HERC1: variants seen among roughly 807,000 people sequenced by gnomAD.
The protein encoded by HERC1 is HECT and RLD domain containing E3 ubiquitin protein ligase family member 1.
In HERC1, 160 loss-of-function variants were observed where a neutral mutation model predicts 554.3. The ratio of observed to expected loss-of-function variants is 0.29; its 90% confidence interval spans 0.25 to 0.33. The LOEUF is 0.33. Ranked by LOEUF, HERC1 falls within the 10% of genes least tolerant of loss-of-function variation. HERC1 has a pLI of 1.00. For missense variants in HERC1, 4,919 were observed against 5,918.5 expected, an observed-to-expected ratio of 0.83 and a Z score of 5.54; for synonymous variants, 2,175 against 2,131.7, an observed-to-expected ratio of 1.02 and a Z score of -0.56.
intron 1 of HERC1, among the ~76,000 whole-genome samples, chr15:63,832,982 C>G (rs1567175499): frequency 1.3e-5 from 2 of 152,194 alleles, no homozygotes; most frequent in Admixed American, 6.5e-5. Flanking sequence ...ATTTCTTAAA[C>G]TAAGACAAAT....
intron 76 of HERC1, among the ~76,000 whole-genome samples, chr15:63,614,363 A>G (rs147839298): frequency 0.012 from 1,772 of 152,342 alleles, 19 homozygotes; most frequent in Middle Eastern, 0.02. Flanking sequence ...ATGGCACCCA[A>G]GAGTGCCTGG....
intron 1 of HERC1, among the ~76,000 whole-genome samples, chr15:63,778,286 T>A (rs766584224): frequency 6.6e-6 from 1 of 152,180 alleles, no homozygotes; most frequent in African/African-American, 2.4e-5. Context: ...TAAAAATGAT[T>A]TGGAGTGACT....
chr15:63,773,742 C>T (rs567492143), intron 2 of HERC1, among the ~76,000 whole-genome samples: 12 of 151,766 alleles, frequency 7.9e-5, no homozygotes, highest in Non-Finnish European at 1.8e-4. Flanking sequence ...TGGGGTTTCA[C>T]CATGCTGGCC....
chr15:63,823,750 A>G (rs552819465), intron 1 of HERC1, among the ~76,000 whole-genome samples: 1 of 152,334 alleles, frequency 6.6e-6, no homozygotes, highest in East Asian at 1.9e-4. Context: ...GAAAGAAAAA[A>G]AGAAACTATA....
chr15:63,693,502 C>T (rs1474964822), intron 30 of HERC1, among the ~76,000 whole-genome samples: 1 of 152,104 alleles, frequency 6.6e-6, no homozygotes. Context: ...CCTTGGCCTC[C>T]CAAAGTGTTG....
At position 63,725,384 on chromosome 15, in the gene HERC1, C is replaced by A. The variant is rs1162933865; in HGVS notation, c.3476G>T (p.Gly1159Val). The change falls in exon 18 of 78, where the codon GGC becomes GTC. Residue 1159 changes from glycine to valine, a missense_variant. Gly to Val is a moderately radical substitution (Grantham distance 109). Around this residue, in one of 11 missense-constraint regions of HERC1, gnomAD observed 1,121 missense variants for 1,244.0 expected, o/e 0.90. Coordinates refer to ENST00000443617, the MANE Select transcript of HERC1 (RefSeq NM_003922.4). Reference sequence around the variant, plus strand: ...CTGTTCCTCTGGAGACACAGGGGAGCCCTGAAGCATGCCACCAAGACACCG... The same window carrying A: ...CTGTTCCTCTGGAGACACAGGGGAGACCTGAAGCATGCCACCAAGACACCG... ...IGRCLGGMLQ[G>V]SPVSPEEQDT... 6.2e-7 allele frequency: 1 copy of A among 1,613,832 alleles called. No individual in the cohort carries two copies. Among genetic ancestry groups the A allele is most frequent in the Non-Finnish European group, 8.5e-7 (1 of 1,179,824 alleles).
rs71464534 is a variant in HERC1 at position 63,744,164 on chromosome 15, G to GTC, written c.2520+2752_2520+2753dup. Among the ~76,000 whole-genome samples, 442 of 46,172 alleles carry GTC rather than the reference G, an allele frequency of 9.6e-3. 3 individuals are homozygous for GTC. Among genetic ancestry groups the GTC allele is most frequent in the East Asian group, 0.024 (48 of 2,016 alleles). The allele number at this position is 46,172 out of a possible 152,430, so 30.3% of individuals were successfully genotyped here. ...TGTGTGTGTGTGTGTGTGTGTGTGT[G>GTC]TCTCTCTCTCTCTCTCTCTCTCTCT... On this transcript the variant is annotated intron_variant, in intron 12 of 77. Transcript: ENST00000443617.
intron 19 of HERC1, among the ~76,000 whole-genome samples, chr15:63,720,436 T>C (rs2073770426): frequency 6.6e-6 from 1 of 152,136 alleles, no homozygotes. Flanking sequence ...GGGCTACTTA[T>C]AAACAAAACA....
chr15:63,678,017 A>C lies in HERC1; in HGVS notation c.6898T>G (p.Cys2300Gly), dbSNP rs1216162666. Residue 2300 changes from cysteine to glycine, a missense_variant, in exon 37 of 78, where the codon TGC becomes GGC. This residue lies in a region of HERC1 where 1,963 missense variants were observed against 2,228.6 expected (regional missense o/e 0.88). Coordinates refer to ENST00000443617, the MANE Select transcript of HERC1 (RefSeq NM_003922.4). ...GCCAGCACGGGCCACACCTCTATGC[A>C]AAGAGTCCTCAGCTGCAGCTCTGAG... is the stretch of plus-strand genomic sequence containing the variant. ...DLSELQLRTL[C>G]IEVWPVLAVI... The C allele has an allele frequency of 6.2e-7, 1 of 1,613,964 alleles. No individual in the cohort carries two copies. The highest frequency in any genetic ancestry group is 1.1e-5 in the South Asian group (1 of 91,076).
chr15:63,623,758 T>G lies in HERC1; in HGVS notation c.13578A>C (p.Gly4526=). 1 of 1,613,780 alleles carries G rather than the reference T, an allele frequency of 6.2e-7. No individual in the cohort carries two copies. Among genetic ancestry groups the G allele is most frequent in the Non-Finnish European group, 8.5e-7 (1 of 1,179,844 alleles). Residue 4526 remains glycine, a synonymous_variant, in exon 73 of 78, where the codon GGA becomes GGC. Transcript: ENST00000443617. ...TCTCTGTGATGGTGTCATCAAACAC[T>G]CCTCCAGCATCATCAGCCCCTTCTC... ...LVGEGADDAG[G]VFDDTITEMC... is the part of the protein sequence containing the mutation.
At position 63,727,762 on chromosome 15, in the gene HERC1, C is replaced by T. The variant is rs753240535; in HGVS notation, c.3231G>A (p.Val1077=). Reference sequence around the variant, plus strand: ...GGAGGTAACTCAATAAAGGCCGAGCCACTGACACAGGGAGTAACAGCAGGG... The same window carrying T: ...GGAGGTAACTCAATAAAGGCCGAGCTACTGACACAGGGAGTAACAGCAGGG... ...VNSLLLLPVS[V]ARPLLSYLLD... The change falls in exon 17 of 78, where the codon GTG becomes GTA. Residue 1077 remains valine (V), a synonymous_variant. Transcript: ENST00000443617. This position sits in a 1 kb window ranked among gnomAD's most constrained non-coding sequence, Gnocchi z 4.3. 6.2e-7 allele frequency: 1 copy of T among 1,613,806 alleles called. No homozygotes were observed. The highest frequency in any genetic ancestry group is 8.5e-7 in the Non-Finnish European group (1 of 1,179,870).
In HERC1 at chr15:63,692,570, C is replaced by T. The variant is rs944266680; in HGVS notation, c.5675-4G>A. On this transcript the variant is annotated splice_polypyrimidine_tract_variant and splice_region_variant and intron_variant, in intron 30 of 77. Coordinates refer to ENST00000443617, the MANE Select transcript of HERC1 (RefSeq NM_003922.4). This position sits in a 1 kb window ranked among gnomAD's most constrained non-coding sequence, Gnocchi z 4.7. ...GCATGTTGTTTCCTAAGAGCAGCTA[C>T]AGTGAAGAGACAAGTTTACGTTACA... 6.3e-7 allele frequency: 1 copy of T among 1,599,278 alleles called. No individual in the cohort carries two copies. Among genetic ancestry groups the T allele is most frequent in the East Asian group, 2.2e-5 (1 of 44,584 alleles).
chr15:63,818,730 T>A (rs1228761534), intron 1 of HERC1, among the ~76,000 whole-genome samples: 1 of 152,182 alleles, frequency 6.6e-6, no homozygotes, highest in Admixed American at 6.5e-5. Flanking sequence ...ACAAGAGAAA[T>A]GGGACATACT....
intron 37 of HERC1, among the ~76,000 whole-genome samples, chr15:63,676,054 C>T (rs983312377): frequency 2.0e-5 from 3 of 152,098 alleles, no homozygotes; most frequent in Non-Finnish European, 4.4e-5. Context: ...CAGGCGCACG[C>T]CACTACGGCT....
intron 8 of HERC1, among the ~76,000 whole-genome samples, chr15:63,750,423 A>T (rs2075196381): frequency 6.6e-6 from 1 of 152,238 alleles, no homozygotes; most frequent in African/African-American, 2.4e-5. Context: ...GTCTTTGGCA[A>T]GACAAATAGG....
chr15:63,630,379 A>T, intron 69 of HERC1, 87 bp downstream of exon 69: 1 of 1,324,668 alleles, frequency 7.5e-7, no homozygotes. Context: ...GTAGATTATG[A>T]ATTTCCTAGC....
rs139223552 is a variant in HERC1, at chr15:63,769,719, G to A, written c.930+4975C>T. 2.5e-3 allele frequency among the ~76,000 whole-genome samples: 381 copies of A among 152,120 alleles called. 2 individuals carry two copies. Among genetic ancestry groups the A allele is most frequent in the African/African-American group, 8.5e-3 (351 of 41,500 alleles). On this transcript the variant is annotated intron_variant, in intron 2 of 77. Coordinates refer to ENST00000443617, the MANE Select transcript of HERC1 (RefSeq NM_003922.4). The stretch of plus-strand genomic sequence containing the variant: ...AAATATAAAAAAATTAGCCAGGCAT[G>A]GTGGCGGGCACCTGTAATCCCAGCT...
chr15:63,644,158 C>T (rs2069207024), intron 57 of HERC1, among the ~76,000 whole-genome samples: 1 of 152,164 alleles, frequency 6.6e-6, no homozygotes, highest in South Asian at 2.1e-4. Flanking sequence ...ACCCTTTCTC[C>T]CCATCCTTAA....
intron 48 of HERC1, among the ~76,000 whole-genome samples, chr15:63,657,260 G>GTTTT (rs770864894): frequency 3.5e-4 from 44 of 124,798 alleles, no homozygotes; most frequent in African/African-American, 1.3e-3. Context: ...TTTGTCTTAG[G>GTTTT]TTTTTTTTTT....
Sources: allele counts gnomAD v4.1 joint callset (sites outside exome capture counted in the v4.1 genomes callset), GRCh38; gene constraint gnomAD v4.1.1; regional missense constraint gnomAD v4.1.1; non-coding constraint Gnocchi (gnomAD v3.1); transcripts MANE v1.5; gene names NCBI Gene and HGNC (gene_info 2026-07-23, HGNC 2026-07-21).